Variants in PDE11A observed in about 807,000 individuals in gnomAD.
PDE11A encodes phosphodiesterase 11A, also known as dual 3',5'-cyclic-AMP and -GMP phosphodiesterase 11A.
In PDE11A, 100 loss-of-function variants were observed where a neutral mutation model predicts 100.5. The observed-to-expected ratio is 1.00, with a 90% CI of 0.85 to 1.18. PDE11A has a LOEUF of 1.18. Ranked by LOEUF, PDE11A falls within the 50% of genes most tolerant of loss-of-function variation. The probability of loss-of-function intolerance (pLI) is 0.00; values close to 1 mark genes in which losing one functional copy is unlikely to be tolerated. For synonymous variants in PDE11A, 381 were observed against 420.8 expected, an observed-to-expected ratio of 0.91 and a Z score of 1.16; for missense variants, 1,141 against 1,152.6, an observed-to-expected ratio of 0.99 and a Z score of 0.15.
chr2:178,033,972 G>C (rs2086578942), intron 1 of PDE11A, among the ~76,000 whole-genome samples: 1 of 152,180 alleles, frequency 6.6e-6, no homozygotes, highest in Non-Finnish European at 1.5e-5. Flanking sequence ...ATGACACTAT[G>C]AAGAAACTGC....
At chr2:177,820,421 C>T (rs1187979613) in intron 6 of PDE11A, 126 bp from the exon 7 acceptor site, 1 of 657,592 alleles carries the variant, frequency 1.5e-6, no homozygotes, top group Non-Finnish European at 2.8e-6. Context: ...ACACTGTAAC[C>T]TAATTTTGTA....
rs188600163 is a variant in PDE11A, at chr2:177,834,067, C to T, written c.1500+6184G>A. ...ATTCAATTTGGGAGGTGGAAACCTGCTTGCAGGACCCCCTCTCTTTGCTGA... is the reference window on the plus strand; with the variant it reads ...ATTCAATTTGGGAGGTGGAAACCTGTTTGCAGGACCCCCTCTCTTTGCTGA... On this transcript the variant is annotated intron_variant, in intron 6 of 19. Coordinates refer to ENST00000286063, the MANE Select transcript of PDE11A (RefSeq NM_016953.4). 2.6e-3 allele frequency among the ~76,000 whole-genome samples: 401 copies of T among 152,300 alleles called. 3 individuals carry two copies. Among genetic ancestry groups the T allele is most frequent in the Middle Eastern group, 6.8e-3 (2 of 294 alleles).
intron 19 of PDE11A, among the ~76,000 whole-genome samples, chr2:177,657,678 AAGC>A (rs1321801454): frequency 1.3e-5 from 2 of 150,940 alleles, no homozygotes; most frequent in Non-Finnish European, 3.0e-5. Context: ...AGGGGAGAGA[AAGC>A]AGAAAGAGGC....
chr2:178,060,529 A>G (rs1049321927), intron 1 of PDE11A, among the ~76,000 whole-genome samples: 5 of 152,186 alleles, frequency 3.3e-5, no homozygotes, highest in African/African-American at 9.7e-5. Flanking sequence ...GACAGAAGGT[A>G]TCATTATCCT....
intron 2 of PDE11A, among the ~76,000 whole-genome samples, chr2:178,085,705 T>C (rs531540733): frequency 3.3e-5 from 5 of 152,166 alleles, no homozygotes; most frequent in African/African-American, 1.2e-4. Context: ...CAAGGGAAAA[T>C]AGAGAATCCA....
At chr2:177,863,782 G>T (rs1436820561) in intron 5 of PDE11A, among the ~76,000 whole-genome samples, 1 of 152,098 alleles carries the variant, frequency 6.6e-6, no homozygotes, top group South Asian at 2.1e-4. Flanking sequence ...ATAGTATGGG[G>T]TTTCTAAAGG....
chr2:177,908,436 A>G (rs1326257608), intron 2 of PDE11A, among the ~76,000 whole-genome samples: 2 of 152,228 alleles, frequency 1.3e-5, no homozygotes, highest in Non-Finnish European at 2.9e-5. Flanking sequence ...AAGTTGGGGC[A>G]GAAAAGAAAC....
At chr2:177,822,786 G>A (rs906030817) in intron 6 of PDE11A, among the ~76,000 whole-genome samples, 1 of 151,978 alleles carries the variant, frequency 6.6e-6, no homozygotes, top group Non-Finnish European at 1.5e-5. Flanking sequence ...TTTCCATGTA[G>A]TGTTCTTACA....
intron 2 of PDE11A, among the ~76,000 whole-genome samples, chr2:177,953,485 A>G (rs1000477840): frequency 6.6e-6 from 1 of 152,198 alleles, no homozygotes; most frequent in Non-Finnish European, 1.5e-5. Context: ...TTAATATCAT[A>G]CAAGTTACAT....
intron 12 of PDE11A, among the ~76,000 whole-genome samples, chr2:177,720,202 T>C (rs2081505793): frequency 6.6e-6 from 1 of 152,134 alleles, no homozygotes; most frequent in African/African-American, 2.4e-5. Flanking sequence ...GCCTAATGGG[T>C]ATCAAACTGT....
chr2:178,005,662 C>T (rs1285581102), intron 2 of PDE11A, among the ~76,000 whole-genome samples: 1 of 152,170 alleles, frequency 6.6e-6, no homozygotes, highest in Non-Finnish European at 1.5e-5. Flanking sequence ...ATACTGTCTA[C>T]TAAGTAGAAA....
intron 3 of PDE11A, 43 bp from the exon 4 acceptor site, chr2:177,898,241 G>C (rs758470536): frequency 3.5e-6 from 5 of 1,426,594 alleles, no homozygotes; most frequent in Non-Finnish European, 4.9e-6. Context: ...ATGTAAAACT[G>C]AAAAAAAGTT....
intron 17 of PDE11A, among the ~76,000 whole-genome samples, chr2:177,673,023 A>G (rs1292569606): frequency 6.6e-6 from 1 of 152,242 alleles, no homozygotes. Flanking sequence ...CCAAGGCACT[A>G]GGAATTAAGT....
intron 1 of PDE11A, among the ~76,000 whole-genome samples, chr2:178,025,874 A>G (rs1288493427): frequency 1.3e-5 from 2 of 152,206 alleles, no homozygotes; most frequent in African/African-American, 2.4e-5. Flanking sequence ...AACTGCAATG[A>G]ATCAGGGAAA....
intron 19 of PDE11A, among the ~76,000 whole-genome samples, chr2:177,630,866 A>G (rs138121171): frequency 6.6e-5 from 10 of 152,282 alleles, no homozygotes; most frequent in Non-Finnish European, 1.0e-4. Flanking sequence ...GGACAGCTCA[A>G]TGAAAAGGGA....
At chr2:178,025,772 C>G (rs574372089) in intron 1 of PDE11A, among the ~76,000 whole-genome samples, 1 of 152,198 alleles carries the variant, frequency 6.6e-6, no homozygotes, top group African/African-American at 2.4e-5. Context: ...AGGAAAATGT[C>G]TAAGAAAAGG....
intron 18 of PDE11A, 126 bp from the exon 19 acceptor site, chr2:177,664,075 A>C: frequency 1.5e-6 from 1 of 679,642 alleles, no homozygotes. Flanking sequence ...ATCACAATCA[A>C]TCTTTACACA....
At chr2:178,035,730 A>G (rs1235968599) in intron 1 of PDE11A, among the ~76,000 whole-genome samples, 2 of 152,234 alleles carry the variant, frequency 1.3e-5, no homozygotes, top group East Asian at 1.9e-4. Flanking sequence ...AACATACACA[A>G]ATCAATAAAT....
intron 10 of PDE11A, among the ~76,000 whole-genome samples, chr2:177,761,017 G>A (rs2082160618): frequency 6.6e-6 from 1 of 152,160 alleles, no homozygotes; most frequent in Non-Finnish European, 1.5e-5. Context: ...TAGGTGTTTT[G>A]AAGGTCAAAA....
Sources: allele counts gnomAD v4.1 joint callset (sites outside exome capture counted in the v4.1 genomes callset), GRCh38; gene constraint gnomAD v4.1.1; transcripts MANE v1.5; gene names NCBI Gene and HGNC (gene_info 2026-07-23, HGNC 2026-07-21).